HNRNPM: variants seen among roughly 807,000 people sequenced by gnomAD.
HNRNPM encodes the protein CEA receptor.
A neutral mutation model predicts 73.1 loss-of-function variants in HNRNPM; 11 were observed. That is an observed-to-expected ratio of 0.15 (90% CI 0.09 to 0.25). The LOEUF is 0.25. Among genes scored for constraint, HNRNPM ranks in the 10% least tolerant of loss-of-function variants. The pLI is 1.00. For missense variants in HNRNPM, 789 were observed against 1,067.9 expected (o/e 0.74, Z 3.64); for synonymous variants, 407 against 355.2 (o/e 1.15, Z -1.64).
chr19:8,487,978 C>T (rs1971431052), intron 15 of HNRNPM: 1 of 152,448 alleles, frequency 6.6e-6, no homozygotes, highest in Admixed American at 6.5e-5. Context: ...AAGACCTGGT[C>T]CTATCCTCCT....
intron 7 of HNRNPM, 30 bp from the exon 8 acceptor site, chr19:8,467,505 T>C: frequency 6.3e-7 from 1 of 1,577,338 alleles, no homozygotes; most frequent in Non-Finnish European, 8.7e-7. Flanking sequence ...TTTTTAGAAT[T>C]GCAAGAAATA....
chr19:8,461,788 G>A (rs909400350), intron 2 of HNRNPM, among the ~76,000 whole-genome samples: 2 of 152,168 alleles, frequency 1.3e-5, no homozygotes, highest in African/African-American at 2.4e-5. Flanking sequence ...ATTCACTGAA[G>A]AGAATCCAGA....
At position 8,467,765 on chromosome 19, in the gene HNRNPM, G is replaced by A. The variant is rs1255698086; in HGVS notation, c.834+181G>A. Among the ~76,000 whole-genome samples the A allele has an allele frequency of 3.9e-5, 6 of 152,202 alleles. 1 individual carries two copies. The highest frequency in any genetic ancestry group is 4.1e-4 in the South Asian group (2 of 4,836). On this transcript the variant is annotated intron_variant, in intron 8 of 15. Coordinates refer to ENST00000325495, the MANE Select transcript of HNRNPM (RefSeq NM_005968.5). ...TTGCTGGTCAGGCGTGGTGGTTCAC[G>A]CCTGTAATCCCAGCACTTTGGGAGT...
At chr19:8,447,852 C>G (rs1346134114) in intron 1 of HNRNPM, among the ~76,000 whole-genome samples, 1 of 152,166 alleles carries the variant, frequency 6.6e-6, no homozygotes, top group Non-Finnish European at 1.5e-5. Context: ...CGGTGAAACC[C>G]CGTCTCTACT....
chr19:8,468,273 C>T (rs1240424380), intron 8 of HNRNPM, among the ~76,000 whole-genome samples: 1 of 152,196 alleles, frequency 6.6e-6, no homozygotes, highest in African/African-American at 2.4e-5. Context: ...TTGATTCAGA[C>T]AGCTTTTAAA....
chr19:8,466,336 T>C lies in HNRNPM; in HGVS notation c.732T>C (p.Arg244=). 6.2e-7 allele frequency: 1 copy of C among 1,614,138 alleles called. No individual in the cohort carries two copies. The highest frequency in any genetic ancestry group is 1.3e-5 in the African/African-American group (1 of 75,034). The part of the protein sequence containing the change: ...DILEDKDGKS[R]GIGTVTFEQS... Reference sequence around the variant, plus strand: ...TTGAAGATAAAGATGGAAAAAGTCGTGGAATAGGCACTGTTACTTTTGAAC... The same window carrying C: ...TTGAAGATAAAGATGGAAAAAGTCGCGGAATAGGCACTGTTACTTTTGAAC... Residue 244 remains arginine, a synonymous_variant, in exon 7 of 16, where the codon CGT becomes CGC. Transcript: ENST00000325495.
intron 1 of HNRNPM, among the ~76,000 whole-genome samples, chr19:8,452,398 AT>A (rs1968693097): frequency 2.0e-5 from 3 of 150,242 alleles, no homozygotes; most frequent in East Asian, 3.9e-4. Flanking sequence ...AGATTCTGTT[AT>A]GTTTTATGAT....
At chr19:8,475,275 GC>G (rs35439808) in intron 12 of HNRNPM, among the ~76,000 whole-genome samples, 36,456 of 152,180 alleles carry the variant, frequency 0.24, 5,023 homozygotes, top group East Asian at 0.5. Flanking sequence ...ACAGCACTTG[GC>G]CCAGGGCACC....
chr19:8,463,683 A>G lies in HNRNPM; in HGVS notation c.435A>G (p.Lys145=). ...HSLSGRPLKV[K]EDPDGEHARR... ...TGAGCGGAAGACCACTGAAAGTCAA[A>G]GAAGTAAGCTCTTGCTTAACACTGC... Residue 145 remains lysine (K), a synonymous_variant, in exon 5 of 16, where the codon AAA becomes AAG. Coordinates refer to ENST00000325495, the MANE Select transcript of HNRNPM (RefSeq NM_005968.5). 1 of 1,604,634 alleles carries G rather than the reference A, an allele frequency of 6.2e-7. No homozygotes were observed. The highest frequency in any genetic ancestry group is 8.5e-7 in the Non-Finnish European group (1 of 1,171,440).
chr19:8,467,625 A>G lies in HNRNPM; in HGVS notation c.834+41A>G, dbSNP rs760282773. The G allele has an allele frequency of 5.0e-6, 7 of 1,397,498 alleles. No homozygotes were observed. The East Asian group carries it at 1.4e-4, about 27-fold the overall frequency. 86.6% of individuals were successfully genotyped at this position (1,397,498 alleles called of 1,614,324 possible). On this transcript the variant is annotated intron_variant, in intron 8 of 15. Transcript: ENST00000325495. ...CTTTCTCTGTGATATACTCAAGTCTAGCAAAAACATGGAATTAATAAGAGT... is the reference window on the plus strand; with the variant it reads ...CTTTCTCTGTGATATACTCAAGTCTGGCAAAAACATGGAATTAATAAGAGT...
intron 2 of HNRNPM, among the ~76,000 whole-genome samples, chr19:8,459,390 C>T (rs1969244798): frequency 6.6e-6 from 1 of 152,212 alleles, no homozygotes; most frequent in Non-Finnish European, 1.5e-5. Flanking sequence ...CATTTCCTAA[C>T]ATGTCCATAA....
At chr19:8,448,621 G>T (rs1468846567) in intron 1 of HNRNPM, among the ~76,000 whole-genome samples, 2 of 151,894 alleles carry the variant, frequency 1.3e-5, no homozygotes, top group Admixed American at 1.3e-4. Context: ...GGGACTACAG[G>T]CGCCCGCCAC....
intron 5 of HNRNPM, among the ~76,000 whole-genome samples, chr19:8,464,005 T>G (rs1159791515): frequency 6.6e-6 from 1 of 152,230 alleles, no homozygotes; most frequent in Non-Finnish European, 1.5e-5. Flanking sequence ...TGACCCTTCT[T>G]CTTGGCCCAT....
chr19:8,487,279 C>T, intron 15 of HNRNPM: 2 of 605,196 alleles, frequency 3.3e-6, no homozygotes, highest in East Asian at 2.8e-5. Context: ...TCATTTCATC[C>T]TTACTTCCTT....
intron 12 of HNRNPM, among the ~76,000 whole-genome samples, chr19:8,477,445 C>T (rs13344738): frequency 2.0e-5 from 3 of 151,974 alleles, no homozygotes; most frequent in East Asian, 1.9e-4. Context: ...ATCACTTGAG[C>T]TCAGGAGTTC....
At chr19:8,458,541 G>C (rs1969178886) in intron 2 of HNRNPM, among the ~76,000 whole-genome samples, 1 of 152,242 alleles carries the variant, frequency 6.6e-6, no homozygotes, top group African/African-American at 2.4e-5. Flanking sequence ...GCAGCACCCA[G>C]GTGGGGCAGT....
In HNRNPM at chr19:8,485,836, G is replaced by A. The variant is rs756110576; in HGVS notation, c.1408G>A (p.Glu470Lys). 10 of 1,603,568 alleles carry A rather than the reference G, an allele frequency of 6.2e-6. No homozygotes were observed. Among genetic ancestry groups the A allele is most frequent in the Non-Finnish European group, 8.5e-6 (10 of 1,179,624 alleles). Residue 470 changes from glutamate to lysine, a missense_variant, in exon 14 of 16, where the codon GAG (glutamate) becomes AAG (lysine). Coordinates refer to ENST00000325495, the MANE Select transcript of HNRNPM (RefSeq NM_005968.5). ...CCTCGACCACATGGCCTCCAGCATTGAGCGCATGGGCCAGACCATGGAGCG... is the reference window on the plus strand; with the variant it reads ...CCTCGACCACATGGCCTCCAGCATTAAGCGCATGGGCCAGACCATGGAGCG... ...LGLDHMASSI[E>K]RMGQTMERIG...
chr19:8,452,486 T>G (rs1968699339), intron 1 of HNRNPM, among the ~76,000 whole-genome samples: 1 of 152,178 alleles, frequency 6.6e-6, no homozygotes, highest in South Asian at 2.1e-4. Context: ...TTTGGCAGAC[T>G]TTGGTGAAGG....
In HNRNPM at chr19:8,486,173, A is replaced by G; in HGVS notation, c.1745A>G (p.Glu582Gly). Residue 582 changes from glutamate to glycine, a missense_variant, in exon 14 of 16, where the codon GAG becomes GGG. Transcript: ENST00000325495. ...AACAGCCTCGAGCGCATGGGCCTGG[A>G]GCGCATGGGTGCCAACAGCCTCGAG... ...GANSLERMGL[E>G]RMGANSLERM... is the part of the protein sequence containing the mutation. 1 of 1,585,832 alleles carries G rather than the reference A, an allele frequency of 6.3e-7. No individual in the cohort carries two copies. Among genetic ancestry groups the G allele is most frequent in the South Asian group, 1.1e-5 (1 of 89,246 alleles).
Sources: allele counts gnomAD v4.1 joint callset (sites outside exome capture counted in the v4.1 genomes callset), GRCh38; gene constraint gnomAD v4.1.1; transcripts MANE v1.5; gene names NCBI Gene and HGNC (gene_info 2026-07-23, HGNC 2026-07-21).